INPP4B: variants seen among roughly 807,000 people sequenced by gnomAD.
INPP4B encodes inositol polyphosphate 4-phosphatase type II.
INPP4B carries 55 observed loss-of-function variants against 122.5 expected under a neutral mutation model. The observed-to-expected ratio is 0.45, with a 90% CI of 0.36 to 0.56. The LOEUF is 0.56. Ranked by LOEUF, INPP4B falls within the 20% of genes least tolerant of loss-of-function variation. INPP4B has a pLI of 0.00. For missense variants in INPP4B, 1,000 were observed against 1,097.7 expected, an observed-to-expected ratio of 0.91 and a Z score of 1.26; for synonymous variants, 403 against 388.7, an observed-to-expected ratio of 1.04 and a Z score of -0.43.
intron 7 of INPP4B, among the ~76,000 whole-genome samples, chr4:142,326,592 C>T (rs80304248): frequency 0.023 from 3,536 of 152,240 alleles, 58 homozygotes; most frequent in Middle Eastern, 0.075. Flanking sequence ...TTCTCTACCA[C>T]TTCAATAAGC....
chr4:142,394,681 G>C (rs2149040437), intron 7 of INPP4B, among the ~76,000 whole-genome samples: 1 of 152,166 alleles, frequency 6.6e-6, no homozygotes, highest in Non-Finnish European at 1.5e-5. Flanking sequence ...TCTCATTATT[G>C]AGTTGTTTGA....
At chr4:142,239,298 T>C (rs946935825) in intron 11 of INPP4B, among the ~76,000 whole-genome samples, 2 of 152,126 alleles carry the variant, frequency 1.3e-5, no homozygotes, top group African/African-American at 4.8e-5. Context: ...TTCTAGTACA[T>C]GTACATGCGT....
intron 21 of INPP4B, among the ~76,000 whole-genome samples, chr4:142,113,817 A>C (rs1295081481): frequency 6.6e-6 from 1 of 152,032 alleles, no homozygotes; most frequent in Non-Finnish European, 1.5e-5. Flanking sequence ...AGCTTTATTA[A>C]GAAATTGATA....
At chr4:142,522,753 A>G (rs901254224) in intron 2 of INPP4B, among the ~76,000 whole-genome samples, 1 of 152,170 alleles carries the variant, frequency 6.6e-6, no homozygotes, top group East Asian at 1.9e-4. Flanking sequence ...ACTGACCTTC[A>G]TTTATATCCT....
intron 2 of INPP4B, among the ~76,000 whole-genome samples, chr4:142,532,338 G>C (rs1393442396): frequency 6.6e-6 from 1 of 152,012 alleles, no homozygotes; most frequent in African/African-American, 2.4e-5. Context: ...ATCTTTGCAG[G>C]GGCTGTTTCT....
intron 18 of INPP4B, among the ~76,000 whole-genome samples, chr4:142,131,696 C>T (rs1801339083): frequency 6.6e-6 from 1 of 152,232 alleles, no homozygotes; most frequent in African/African-American, 2.4e-5. Flanking sequence ...TGGCTCATGC[C>T]TGTAATCCCA....
intron 2 of INPP4B, among the ~76,000 whole-genome samples, chr4:142,615,118 T>C (rs979196): frequency 0.65 from 98,112 of 151,964 alleles, 33,217 homozygotes; most frequent in East Asian, 0.81. Context: ...CTATTCATTT[T>C]TTATTTGTTT....
chr4:142,332,818 C>G (rs1270581103), intron 7 of INPP4B, among the ~76,000 whole-genome samples: 2 of 144,208 alleles, frequency 1.4e-5, no homozygotes, highest in East Asian at 4.0e-4. Flanking sequence ...ACCTGGCTAA[C>G]AAGGCGAAAT....
chr4:142,546,966 A>G (rs1203003330), intron 2 of INPP4B, among the ~76,000 whole-genome samples: 2 of 152,158 alleles, frequency 1.3e-5, no homozygotes, highest in Admixed American at 6.5e-5. Flanking sequence ...CTTTTTCAAA[A>G]TTATGATAAT....
At chr4:142,298,779 C>T (rs1445823539) in intron 9 of INPP4B, among the ~76,000 whole-genome samples, 2 of 151,118 alleles carry the variant, frequency 1.3e-5, no homozygotes, top group East Asian at 2.0e-4. Flanking sequence ...ATCACGAACA[C>T]TTCTTCTCAA....
chr4:142,296,948 T>C (rs1256459048), intron 9 of INPP4B, among the ~76,000 whole-genome samples: 1 of 152,140 alleles, frequency 6.6e-6, no homozygotes, highest in African/African-American at 2.4e-5. Context: ...GTATTTGATG[T>C]CACCCTTCAT....
chr4:142,300,919 C>A lies in INPP4B; in HGVS notation c.503+4539G>T, dbSNP rs1249933405. On this transcript the variant is annotated intron_variant, in intron 9 of 25. Transcript: ENST00000262992. Reference sequence around the variant, plus strand: ...CAAGAAAAAGTGTTATCACATTCACCCTGATAAAATGATATAAAATTTATT... The same window carrying A: ...CAAGAAAAAGTGTTATCACATTCACACTGATAAAATGATATAAAATTTATT... Among the ~76,000 whole-genome samples, 3 of 152,004 alleles carry A rather than the reference C, an allele frequency of 2.0e-5. No individual in the cohort carries two copies. In the East Asian group the frequency reaches 5.8e-4, roughly 29 times the overall value.
chr4:142,544,256 G>A (rs796776903), intron 2 of INPP4B, among the ~76,000 whole-genome samples: 2 of 151,928 alleles, frequency 1.3e-5, no homozygotes, highest in Non-Finnish European at 2.9e-5. Flanking sequence ...CGTTACTATT[G>A]TGTTAGAATC....
chr4:142,817,093 T>A (rs1780202525), intron 1 of INPP4B, among the ~76,000 whole-genome samples: 1 of 152,180 alleles, frequency 6.6e-6, no homozygotes, highest in Non-Finnish European at 1.5e-5. Context: ...AGTCCTTCTC[T>A]GTCAACATGG....
intron 25 of INPP4B, among the ~76,000 whole-genome samples, chr4:142,077,990 C>T (rs1771746401): frequency 6.6e-6 from 1 of 151,398 alleles, no homozygotes; most frequent in South Asian, 2.1e-4. Flanking sequence ...TTCTGATGGG[C>T]TGTGAGGGTT....
chr4:142,125,549 A>C (rs28373344), intron 18 of INPP4B, among the ~76,000 whole-genome samples: 20,464 of 152,062 alleles, frequency 0.13, 1,559 homozygotes, highest in East Asian at 0.23. Context: ...AATGTCTTTG[A>C]AAATCCTATC....
chr4:142,461,405 A>C (rs1816705305), intron 3 of INPP4B, among the ~76,000 whole-genome samples: 1 of 152,224 alleles, frequency 6.6e-6, no homozygotes, highest in Non-Finnish European at 1.5e-5. Flanking sequence ...TAAGAAAACC[A>C]GTATTACTAA....
intron 14 of INPP4B, among the ~76,000 whole-genome samples, chr4:142,199,194 G>A (rs769352176): frequency 2.6e-5 from 4 of 151,918 alleles, no homozygotes; most frequent in Non-Finnish European, 4.4e-5. Context: ...GTTCAACAAT[G>A]TCGATAAAAA....
chr4:142,333,002 C>A (rs759109761), intron 7 of INPP4B, among the ~76,000 whole-genome samples: 2 of 136,594 alleles, frequency 1.5e-5, no homozygotes, highest in Non-Finnish European at 3.1e-5. Flanking sequence ...CAGAGCAAGA[C>A]TCCGTCTCAA....
Sources: allele counts gnomAD v4.1 joint callset (sites outside exome capture counted in the v4.1 genomes callset), GRCh38; gene constraint gnomAD v4.1.1; transcripts MANE v1.5; gene names NCBI Gene and HGNC (gene_info 2026-07-23, HGNC 2026-07-21).